Variants in FAM178B observed in about 807,000 individuals in gnomAD.
The protein encoded by FAM178B is protein FAM178B.
FAM178B carries 82 observed loss-of-function variants against 91.7 expected under a neutral mutation model. The observed-to-expected ratio is 0.89, with a 90% CI of 0.75 to 1.07. The LOEUF is 1.07. Among genes scored for constraint, FAM178B ranks in the 50% least tolerant of loss-of-function variants. The pLI is 0.00. For synonymous variants in FAM178B, 368 were observed against 359.4 expected, an observed-to-expected ratio of 1.02 and a Z score of -0.27; for missense variants, 769 against 846.7, an observed-to-expected ratio of 0.91 and a Z score of 1.14.
chr2:96,978,258 TCTTC>T (rs1043445889), intron 1 of FAM178B, among the ~76,000 whole-genome samples: 1 of 152,198 alleles, frequency 6.6e-6, no homozygotes, highest in Admixed American at 6.6e-5. Context: ...ATGAACATCA[TCTTC>T]CTTGACTTTT....
chr2:96,893,482 G>C (rs1244356816), intron 14 of FAM178B, among the ~76,000 whole-genome samples: 1 of 152,114 alleles, frequency 6.6e-6, no homozygotes, highest in African/African-American at 2.4e-5. Flanking sequence ...GACAACCACA[G>C]TGAAAATGAA....
intron 1 of FAM178B, among the ~76,000 whole-genome samples, chr2:96,977,644 A>G (rs911810250): frequency 6.6e-6 from 1 of 152,146 alleles, no homozygotes; most frequent in Non-Finnish European, 1.5e-5. Flanking sequence ...GAAGCAGCAG[A>G]AACTGCTGAT....
chr2:96,913,127 G>C (rs910409437), intron 12 of FAM178B, among the ~76,000 whole-genome samples: 2 of 152,242 alleles, frequency 1.3e-5, no homozygotes, highest in East Asian at 3.8e-4. Flanking sequence ...GGTTTTGGGA[G>C]AGGCAGGACT....
intron 6 of FAM178B, among the ~76,000 whole-genome samples, chr2:96,956,468 G>A (rs941775627): frequency 1.8e-4 from 28 of 152,190 alleles, no homozygotes; most frequent in Admixed American, 1.6e-3. Flanking sequence ...ACCCAAGCTC[G>A]CTCTGCAGTC....
At position 96,972,557 on chromosome 2, in the gene FAM178B, T is replaced by G; in HGVS notation, c.123A>C (p.Leu41=). The part of the protein sequence containing the change: ...LQMAGPQETV[L]ALPLREGVQA... ...GCCTACCTTCTCTCAGAGGAAGGGC[T>G]AGCACCGTCTCCTGGGGCCCAGCCA... The change falls in exon 2 of 17, where the codon CTA becomes CTC. Residue 41 remains leucine, a synonymous_variant. Transcript: ENST00000490605. 6.4e-7 allele frequency: 1 copy of G among 1,551,696 alleles called. No homozygotes were observed. The highest frequency in any genetic ancestry group is 8.7e-7 in the Non-Finnish European group (1 of 1,146,992).
At chr2:96,912,109 G>A (rs768534799) in intron 12 of FAM178B, among the ~76,000 whole-genome samples, 2 of 152,048 alleles carry the variant, frequency 1.3e-5, no homozygotes, top group Non-Finnish European at 2.9e-5. Context: ...GAATTTATGC[G>A]GGGAGAGACA....
At chr2:96,913,089 G>A (rs922835869) in intron 12 of FAM178B, among the ~76,000 whole-genome samples, 1 of 152,220 alleles carries the variant, frequency 6.6e-6, no homozygotes, top group African/African-American at 2.4e-5. Flanking sequence ...AAAAGCAAAC[G>A]GTACAAGAAT....
At position 96,875,920 on chromosome 2, in the gene FAM178B, T is replaced by A; in HGVS notation, c.*356A>T. On this transcript the variant is annotated 3_prime_UTR_variant, in exon 17 of 17. Transcript: ENST00000490605. ...AGACTTTAATGTGCACAAAGAAACC[T>A]CACATTAGTGACAGGGAGACAGAGG... 1 of 323,474 alleles carries A rather than the reference T, an allele frequency of 3.1e-6. No homozygotes were observed. Among genetic ancestry groups the A allele is most frequent in the South Asian group, 4.7e-5 (1 of 21,310 alleles). 20.0% of individuals were successfully genotyped at this position (323,474 alleles called of 1,614,324 possible).
chr2:96,940,485 T>C (rs1195903691), intron 8 of FAM178B, among the ~76,000 whole-genome samples: 3 of 152,186 alleles, frequency 2.0e-5, no homozygotes, highest in Admixed American at 2.0e-4. Flanking sequence ...GTCAACCTGA[T>C]AGACTAAAGA....
At chr2:96,958,313 G>T (rs946443482) in intron 6 of FAM178B, among the ~76,000 whole-genome samples, 1 of 152,032 alleles carries the variant, frequency 6.6e-6, no homozygotes, top group Non-Finnish European at 1.5e-5. Flanking sequence ...CTCATGATCC[G>T]CCCGCCTCGG....
intron 5 of FAM178B, among the ~76,000 whole-genome samples, chr2:96,963,810 C>G (rs2082112097): frequency 1.3e-5 from 2 of 152,200 alleles, no homozygotes; most frequent in Admixed American, 6.5e-5. Flanking sequence ...CCACCTGGTC[C>G]TCAAGGCCTA....
At chr2:96,892,307 G>A (rs569871492) in intron 14 of FAM178B, among the ~76,000 whole-genome samples, 26 of 152,228 alleles carry the variant, frequency 1.7e-4, no homozygotes, top group African/African-American at 4.8e-4. Flanking sequence ...GTAGGGGAGC[G>A]CAGCAGAGGG....
chr2:96,890,990 C>T (rs1320784575), intron 14 of FAM178B, among the ~76,000 whole-genome samples: 1 of 152,182 alleles, frequency 6.6e-6, no homozygotes, highest in Admixed American at 6.5e-5. Flanking sequence ...TTTTCTTTAT[C>T]CAGAAGCTCT....
At chr2:96,932,905 A>T (rs1038652074) in intron 8 of FAM178B, among the ~76,000 whole-genome samples, 2 of 128,580 alleles carry the variant, frequency 1.6e-5, no homozygotes, top group Non-Finnish European at 3.1e-5. Flanking sequence ...GTGCCACTGC[A>T]CCCCAGCCTG....
At chr2:96,968,188 G>A (rs774678497) in intron 4 of FAM178B, among the ~76,000 whole-genome samples, 3 of 151,832 alleles carry the variant, frequency 2.0e-5, no homozygotes, top group South Asian at 4.1e-4. Flanking sequence ...TCCCTGACAC[G>A]TGCATGGCCT....
chr2:96,941,097 T>C (rs1422870723), intron 8 of FAM178B, among the ~76,000 whole-genome samples: 1 of 152,140 alleles, frequency 6.6e-6, no homozygotes, highest in East Asian at 1.9e-4. Flanking sequence ...AACATACAAA[T>C]ATAGATGAAA....
chr2:96,911,841 TG>T (rs1361090803), intron 12 of FAM178B, among the ~76,000 whole-genome samples: 2 of 152,114 alleles, frequency 1.3e-5, no homozygotes, highest in African/African-American at 2.4e-5. Context: ...CATGGAGCCA[TG>T]GAAGACAGGG....
intron 12 of FAM178B, among the ~76,000 whole-genome samples, chr2:96,915,257 A>G (rs377718129): frequency 1.3e-5 from 2 of 151,516 alleles, no homozygotes; most frequent in East Asian, 3.9e-4. Context: ...TTACAGGTGC[A>G]TGCCACCATG....
chr2:96,935,240 A>T (rs2081605250), intron 8 of FAM178B, among the ~76,000 whole-genome samples: 1 of 152,192 alleles, frequency 6.6e-6, no homozygotes, highest in African/African-American at 2.4e-5. Flanking sequence ...ATTCTCTGAC[A>T]AAAAAGAAGT....
Sources: gnomAD v4.1 joint callset for allele counts (sites outside exome capture counted in the v4.1 genomes callset) on GRCh38, gnomAD v4.1.1 for gene constraint, MANE v1.5 for transcripts, NCBI Gene and HGNC (gene_info 2026-07-23, HGNC 2026-07-21) for gene names.